LRP1B: variants seen among roughly 807,000 people sequenced by gnomAD.
The protein encoded by LRP1B is LDL receptor related protein 1B.
In LRP1B, 217 loss-of-function variants were observed where a neutral mutation model predicts 556.6. The observed-to-expected ratio is 0.39, with a 90% CI of 0.35 to 0.44. The LOEUF (loss-of-function observed/expected upper bound fraction) is 0.44. Ranked by LOEUF, LRP1B falls within the 20% of genes least tolerant of loss-of-function variation. The pLI, the probability that LRP1B is intolerant of heterozygous loss-of-function variation, is 1.00. For missense variants in LRP1B, 5,053 were observed against 5,620.8 expected (o/e 0.90, Z 3.23); for synonymous variants, 2,047 against 1,865.8 (o/e 1.10, Z -2.50).
chr2:142,020,738 C>T (rs904502649), intron 1 of LRP1B, among the ~76,000 whole-genome samples: 5 of 152,092 alleles, frequency 3.3e-5, no homozygotes, highest in Admixed American at 6.6e-5. Flanking sequence ...AAAAAGCCTT[C>T]CCAGTGTGTG....
At position 140,350,783 on chromosome 2, in the gene LRP1B, T is replaced by A; in HGVS notation, c.11892+14A>T. Reference sequence around the variant, plus strand: ...AAGGTATGGACTTTCAAATATACAATGGTATTTACTTACAATCAAGCCACT... The same window carrying A: ...AAGGTATGGACTTTCAAATATACAAAGGTATTTACTTACAATCAAGCCACT... On this transcript the variant is annotated intron_variant, in intron 77 of 90. Coordinates refer to ENST00000389484, the MANE Select transcript of LRP1B (RefSeq NM_018557.3). 1 of 1,606,020 alleles carries A rather than the reference T, an allele frequency of 6.2e-7. No homozygotes were observed. Among genetic ancestry groups the A allele is most frequent in the Non-Finnish European group, 8.5e-7 (1 of 1,176,768 alleles).
At chr2:141,416,492 C>T (rs1462346094) in intron 3 of LRP1B, among the ~76,000 whole-genome samples, 2 of 127,888 alleles carry the variant, frequency 1.6e-5, no homozygotes, top group African/African-American at 6.1e-5. Context: ...CTCACTCTGT[C>T]GCCCAGACTG....
intron 2 of LRP1B, among the ~76,000 whole-genome samples, chr2:141,716,610 A>G (rs1692604700): frequency 6.6e-6 from 1 of 152,182 alleles, no homozygotes; most frequent in South Asian, 2.1e-4. Context: ...AGCTCACCAA[A>G]CATGCTCAAA....
chr2:140,385,863 T>C (rs1359995072), intron 67 of LRP1B, 30 bp downstream of exon 67: 2 of 1,486,166 alleles, frequency 1.3e-6, no homozygotes, highest in Non-Finnish European at 1.9e-6. Flanking sequence ...GCTGTCAAGC[T>C]CAAAACATTA....
chr2:141,597,071 C>T (rs1271138362), intron 2 of LRP1B, among the ~76,000 whole-genome samples: 2 of 151,042 alleles, frequency 1.3e-5, no homozygotes, highest in Admixed American at 1.3e-4. Context: ...CACACACACA[C>T]ACACACACAC....
At chr2:141,327,790 T>A (rs972219530) in intron 3 of LRP1B, among the ~76,000 whole-genome samples, 1 of 152,112 alleles carries the variant, frequency 6.6e-6, no homozygotes, top group East Asian at 1.9e-4. Flanking sequence ...TTTGGAAGCA[T>A]GTTAATTAAC....
chr2:141,782,905 TAGGG>T (rs1449394362), intron 2 of LRP1B, among the ~76,000 whole-genome samples: 1 of 152,028 alleles, frequency 6.6e-6, no homozygotes, highest in Non-Finnish European at 1.5e-5. Flanking sequence ...CTTTTTCTTT[TAGGG>T]AGGATGTAAA....
At chr2:141,245,768 G>T (rs1008584068) in intron 5 of LRP1B, among the ~76,000 whole-genome samples, 54 of 152,262 alleles carry the variant, frequency 3.5e-4, no homozygotes, top group African/African-American at 1.3e-3. Context: ...GGGTTTATTT[G>T]CAGGTTAGCA....
intron 77 of LRP1B, among the ~76,000 whole-genome samples, chr2:140,343,117 T>C (rs1681479481): frequency 6.6e-6 from 1 of 151,416 alleles, no homozygotes. Flanking sequence ...AAAATAAGCA[T>C]AGATCAAAAT....
At chr2:140,954,168 G>A (rs545769486) in intron 18 of LRP1B, among the ~76,000 whole-genome samples, 1 of 152,260 alleles carries the variant, frequency 6.6e-6, no homozygotes, top group East Asian at 1.9e-4. Context: ...ACAAGATAGT[G>A]AGAACTCACA....
chr2:141,252,819 T>C (rs1223917201), intron 4 of LRP1B, among the ~76,000 whole-genome samples: 1 of 152,158 alleles, frequency 6.6e-6, no homozygotes, highest in African/African-American at 2.4e-5. Context: ...AATACAGTTT[T>C]GAGAAAGCCT....
chr2:141,466,334 G>C (rs1682199310), intron 3 of LRP1B, among the ~76,000 whole-genome samples: 1 of 152,172 alleles, frequency 6.6e-6, no homozygotes, highest in Non-Finnish European at 1.5e-5. Context: ...AGTTTATCAA[G>C]CATAGTAGGA....
At chr2:141,817,145 T>G (rs1696585666) in intron 1 of LRP1B, among the ~76,000 whole-genome samples, 1 of 152,188 alleles carries the variant, frequency 6.6e-6, no homozygotes, top group Admixed American at 6.5e-5. Context: ...TGTTTTTCAT[T>G]TATCCTATTT....
intron 7 of LRP1B, among the ~76,000 whole-genome samples, chr2:141,070,613 T>C (rs1277142707): frequency 3.3e-5 from 5 of 151,794 alleles, no homozygotes; most frequent in East Asian, 3.9e-4. Context: ...ACTAGCAAGA[T>C]CAATAAAGAA....
intron 1 of LRP1B, among the ~76,000 whole-genome samples, chr2:142,068,266 C>A (rs942009887): frequency 8.4e-6 from 1 of 119,004 alleles, no homozygotes; most frequent in Non-Finnish European, 2.0e-5. Context: ...ACTGAAAATA[C>A]CATAGGTGCT....
intron 2 of LRP1B, among the ~76,000 whole-genome samples, chr2:141,646,661 A>AAAT (rs1689576872): frequency 6.6e-6 from 1 of 152,138 alleles, no homozygotes; most frequent in African/African-American, 2.4e-5. Flanking sequence ...GGAACCGTAT[A>AAAT]AATAGTAATT....
At chr2:141,535,516 T>G (rs1685042203) in intron 2 of LRP1B, among the ~76,000 whole-genome samples, 1 of 150,866 alleles carries the variant, frequency 6.6e-6, no homozygotes, top group South Asian at 2.1e-4. Context: ...ATTTCTAGTA[T>G]TCTCGAAATT....
At position 141,334,617 on chromosome 2, in the gene LRP1B, T is replaced by C. The variant is rs577438700; in HGVS notation, c.344-79976A>G. On this transcript the variant is annotated intron_variant, in intron 3 of 90. Transcript: ENST00000389484. ...CCCAGGCTGGAGTGTAGTGGCACCA[T>C]CTTGGCTCACTGCAACCTCCACCTC... 2.1e-3 allele frequency among the ~76,000 whole-genome samples: 316 copies of C among 152,356 alleles called. 1 individual carries two copies. Among genetic ancestry groups the C allele is most frequent in the African/African-American group, 7.0e-3 (293 of 41,586 alleles).
chr2:141,405,403 A>G (rs1018763518), intron 3 of LRP1B, among the ~76,000 whole-genome samples: 1 of 152,172 alleles, frequency 6.6e-6, no homozygotes, highest in Non-Finnish European at 1.5e-5. Context: ...ATTATTATAG[A>G]ACTACATTAA....
Sources: allele counts gnomAD v4.1 joint callset (sites outside exome capture counted in the v4.1 genomes callset), GRCh38; gene constraint gnomAD v4.1.1; transcripts MANE v1.5; gene names NCBI Gene and HGNC (gene_info 2026-07-23, HGNC 2026-07-21).